Variants in HDAC4 observed in about 807,000 individuals in gnomAD.
HDAC4 encodes histone deacetylase 4, also known as histone deacetylase A.
In HDAC4, 16 loss-of-function variants were observed where a neutral mutation model predicts 135.1. That is an observed-to-expected ratio of 0.12 (90% CI 0.08 to 0.18). The LOEUF is 0.18. Ranked by LOEUF, HDAC4 falls within the 10% of genes least tolerant of loss-of-function variation. The probability of loss-of-function intolerance (pLI) is 1.00; values close to 1 mark genes in which losing one functional copy is unlikely to be tolerated. For missense variants in HDAC4, 1,143 were observed against 1,511.8 expected (o/e 0.76, Z 4.05); for synonymous variants, 685 against 653.4 (o/e 1.05, Z -0.74).
intron 2 of HDAC4, among the ~76,000 whole-genome samples, chr2:239,282,213 C>CCA (rs112112306): frequency 0.096 from 7,628 of 79,228 alleles, 2,161 homozygotes; most frequent in East Asian, 0.23. Flanking sequence ...AATGTACACA[C>CCA]CTCTCTACAC....
At chr2:239,063,724 A>C (rs1337997280) in intron 24 of HDAC4, among the ~76,000 whole-genome samples, 4 of 152,136 alleles carry the variant, frequency 2.6e-5, no homozygotes, top group Admixed American at 6.5e-5. Flanking sequence ...TCCTCCCGTG[A>C]GGTGCCTGCA....
intron 22 of HDAC4, among the ~76,000 whole-genome samples, chr2:239,071,565 C>G (rs780040350): frequency 6.6e-6 from 1 of 152,138 alleles, no homozygotes; most frequent in Non-Finnish European, 1.5e-5. Flanking sequence ...ATTCCCCAAA[C>G]CTGCTGTCAT....
chr2:239,084,292 A>C (rs550491755), intron 19 of HDAC4, 50 bp from the exon 20 acceptor site: 1 of 1,378,316 alleles, frequency 7.3e-7, no homozygotes, highest in South Asian at 1.2e-5. Context: ...GGCGGTGGCC[A>C]GTTTCTCCAC....
At chr2:239,287,529 C>T (rs1453617121) in intron 2 of HDAC4, among the ~76,000 whole-genome samples, 1 of 152,158 alleles carries the variant, frequency 6.6e-6, no homozygotes, top group African/African-American at 2.4e-5. Flanking sequence ...GTTGTATGCA[C>T]CCAATGCCTA....
At chr2:239,230,231 C>T (rs2047463979) in intron 3 of HDAC4, among the ~76,000 whole-genome samples, 1 of 152,024 alleles carries the variant, frequency 6.6e-6, no homozygotes, top group African/African-American at 2.4e-5. Context: ...TTTGGGACCC[C>T]TTGGTCAAGA....
Position 239,148,368 on chromosome 2 carries a change from C to T in HDAC4, c.734-3654G>A, listed in dbSNP as rs543787089. On this transcript the variant is annotated intron_variant, in intron 7 of 26. Transcript: ENST00000543185. ...AGGTCGTACAACAAATTACTGGAAACGCCAGGAGAAGAGAGAATCAGCAGG... is the reference window on the plus strand; with the variant it reads ...AGGTCGTACAACAAATTACTGGAAATGCCAGGAGAAGAGAGAATCAGCAGG... Among the ~76,000 whole-genome samples, 165 of 152,258 alleles carry T rather than the reference C, an allele frequency of 1.1e-3. 1 individual carries two copies. Among genetic ancestry groups the T allele is most frequent in the Non-Finnish European group, 1.4e-3 (96 of 68,016 alleles).
intron 4 of HDAC4, among the ~76,000 whole-genome samples, chr2:239,178,607 C>A (rs549665974): frequency 6.6e-6 from 1 of 152,334 alleles, no homozygotes; most frequent in African/African-American, 2.4e-5. Context: ...TGGTCTCAAA[C>A]CCCTGGGCTC....
intron 20 of HDAC4, among the ~76,000 whole-genome samples, chr2:239,083,446 C>G (rs1173723517): frequency 2.6e-5 from 4 of 152,222 alleles, no homozygotes; most frequent in East Asian, 3.8e-4. Flanking sequence ...TTTCTTTACC[C>G]AAACTCAGAA....
At position 239,240,491 on chromosome 2, in the gene HDAC4, C is replaced by T. The variant is rs1450540430; in HGVS notation, c.23-3827G>A. 6.6e-6 allele frequency among the ~76,000 whole-genome samples: 1 copy of T among 152,202 alleles called. No individual in the cohort carries two copies. The highest frequency in any genetic ancestry group is 1.5e-5 in the Non-Finnish European group (1 of 68,040). On this transcript the variant is annotated intron_variant, in intron 2 of 26. Transcript: ENST00000543185. This position sits in a 1 kb window ranked among gnomAD's most constrained non-coding sequence, Gnocchi z 4.5. ...GGAGAAAGCGGTGCTAAGAACCCAG[C>T]GTTTACAAGCAGGAAAATAATGAAG...
At chr2:239,108,917 C>T (rs567589034) in intron 14 of HDAC4, among the ~76,000 whole-genome samples, 83 of 152,338 alleles carry the variant, frequency 5.4e-4, no homozygotes, top group African/African-American at 1.9e-3. Context: ...GGCCGGCAGC[C>T]TGGGGCTCTG....
intron 15 of HDAC4, among the ~76,000 whole-genome samples, chr2:239,105,341 G>A (rs1302253036): frequency 6.6e-6 from 1 of 152,172 alleles, no homozygotes; most frequent in Non-Finnish European, 1.5e-5. Context: ...CAAGCAAATT[G>A]GCCAGGAGCT....
At chr2:239,185,436 T>C (rs1177074588) in intron 4 of HDAC4, among the ~76,000 whole-genome samples, 1 of 148,674 alleles carries the variant, frequency 6.7e-6, no homozygotes, top group African/African-American at 2.5e-5. Context: ...GGGAAAGGTG[T>C]GCCCTGTGGG....
At chr2:239,293,890 G>C (rs1439836136) in intron 2 of HDAC4, among the ~76,000 whole-genome samples, 1 of 152,208 alleles carries the variant, frequency 6.6e-6, no homozygotes, top group Non-Finnish European at 1.5e-5. Context: ...TTTCTAGTGG[G>C]AAAACATTTA....
At chr2:239,366,382 G>C (rs1181788817) in intron 1 of HDAC4, among the ~76,000 whole-genome samples, 1 of 152,246 alleles carries the variant, frequency 6.6e-6, no homozygotes, top group African/African-American at 2.4e-5. Flanking sequence ...CTCCATGGAG[G>C]AAAACAGACG....
intron 7 of HDAC4, among the ~76,000 whole-genome samples, chr2:239,155,329 C>CCAATACAGCCCACTCCACCT (rs1322165399): frequency 2.8e-4 from 43 of 152,148 alleles, no homozygotes; most frequent in Non-Finnish European, 5.7e-4. Flanking sequence ...CATGGCCAGC[C>CCAATACAGCCCACTCCACCT]CAATACAGCC....
chr2:239,137,019 T>C (rs2041008911), intron 9 of HDAC4, among the ~76,000 whole-genome samples: 1 of 149,186 alleles, frequency 6.7e-6, no homozygotes. Context: ...TAAGTTATGC[T>C]GTAGAGGAAA....
At position 239,352,539 on chromosome 2, in the gene HDAC4, G is replaced by T; in HGVS notation, c.22+139C>A. 1.3e-6 allele frequency: 1 copy of T among 777,338 alleles called. No homozygotes were observed. Among genetic ancestry groups the T allele is most frequent in the Non-Finnish European group, 2.2e-6 (1 of 450,076 alleles). The allele number at this position is 777,338 out of a possible 1,614,324, so 48.2% of individuals were successfully genotyped here. ...ATAAACCATCCATTTTGCACTTTGTGCTGTCAAAAACCAACAGTGACCACT... is the reference window on the plus strand; with the variant it reads ...ATAAACCATCCATTTTGCACTTTGTTCTGTCAAAAACCAACAGTGACCACT... On this transcript the variant is annotated intron_variant, in intron 2 of 26. Transcript: ENST00000543185. The surrounding 1 kb of genome is among the most constrained non-coding windows in gnomAD (Gnocchi z 4.4).
intron 2 of HDAC4, among the ~76,000 whole-genome samples, chr2:239,274,548 G>A (rs1367910649): frequency 6.6e-6 from 1 of 152,208 alleles, no homozygotes; most frequent in Non-Finnish European, 1.5e-5. Context: ...CCATTCAACA[G>A]CTAATTCAAC....
At chr2:239,295,995 AG>A (rs2051865186) in intron 2 of HDAC4, among the ~76,000 whole-genome samples, 3 of 152,208 alleles carry the variant, frequency 2.0e-5, no homozygotes, top group Admixed American at 1.3e-4. Flanking sequence ...GCATCTACAG[AG>A]GGACTCTTCA....
Sources: allele counts gnomAD v4.1 joint callset (sites outside exome capture counted in the v4.1 genomes callset), GRCh38; gene constraint gnomAD v4.1.1; non-coding constraint Gnocchi (gnomAD v3.1); transcripts MANE v1.5; gene names NCBI Gene and HGNC (gene_info 2026-07-23, HGNC 2026-07-21).